POLE: variants seen among roughly 807,000 people sequenced by gnomAD.
POLE encodes the protein DNA polymerase epsilon, catalytic subunit, also known as DNA polymerase epsilon catalytic subunit A.
Under a neutral mutation model 279.2 loss-of-function variants are expected in POLE, and 188 were observed. The ratio of observed to expected loss-of-function variants is 0.67; its 90% CI spans 0.60 to 0.76. The LOEUF is 0.76. Ranked by LOEUF, POLE falls within the 30% of genes least tolerant of loss-of-function variation. The pLI is 0.00. For missense variants in POLE, 2,703 were observed against 3,016.7 expected, an observed-to-expected ratio of 0.90 and a Z score of 2.44; for synonymous variants, 1,214 against 1,172.5, an observed-to-expected ratio of 1.04 and a Z score of -0.72.
Position 132,632,345 on chromosome 12 carries a change from A to G in POLE, c.6300T>C (p.Pro2100=). ...LPGSHLLLNN[P]ALEFIKYVCK... ...ACACGTATTTGATGAACTCCAGGGC[A>G]GGGTTATTGAGCAGCAAGTGGGAAC... The change falls in exon 45 of 49, where the codon CCT becomes CCC. Residue 2100 remains proline, a synonymous_variant. Coordinates refer to ENST00000320574, the MANE Select transcript of POLE (RefSeq NM_006231.4). The G allele has an allele frequency of 6.2e-7, 1 of 1,614,168 alleles. No individual in the cohort carries two copies. Among genetic ancestry groups the G allele is most frequent in the Non-Finnish European group, 8.5e-7 (1 of 1,180,002 alleles).
At chr12:132,641,015 T>C (rs1172967982) in intron 39 of POLE, 4 of 456,728 alleles carry the variant, frequency 8.8e-6, no homozygotes, top group Middle Eastern at 3.3e-4. Context: ...TTTGAGCACC[T>C]ACCCTTCCAT....
chr12:132,632,879 A>T, intron 43 of POLE, 84 bp from the exon 44 acceptor site: 1 of 1,443,938 alleles, frequency 6.9e-7, no homozygotes, highest in Non-Finnish European at 9.3e-7. Flanking sequence ...GGCTGGTCAG[A>T]TTGCCTCACA....
intron 45 of POLE, 98 bp from the exon 46 acceptor site, chr12:132,626,415 GGT>G (rs2041841261): frequency 8.5e-7 from 1 of 1,170,924 alleles, no homozygotes; most frequent in African/African-American, 1.5e-5. Flanking sequence ...ACAGTTTCCT[GGT>G]GTCCTTTCCT....
chr12:132,627,406 C>A (rs1366870310), intron 45 of POLE, among the ~76,000 whole-genome samples: 1 of 152,150 alleles, frequency 6.6e-6, no homozygotes, highest in African/African-American at 2.4e-5. Flanking sequence ...CTCAATTGAT[C>A]CTTCTACCTC....
intron 32 of POLE, among the ~76,000 whole-genome samples, chr12:132,647,570 A>G (rs1488860362): frequency 6.6e-6 from 1 of 152,160 alleles, no homozygotes; most frequent in East Asian, 1.9e-4. Flanking sequence ...ACAGAGGAAC[A>G]GAATCTGAAG....
chr12:132,650,890 T>A (rs1440264647), intron 29 of POLE: 1 of 143,838 alleles, frequency 7.0e-6, no homozygotes, highest in African/African-American at 2.8e-5. Context: ...TTTTTTTTTT[T>A]TTTGAGACAG....
At chr12:132,647,837 CTT>C (rs761901554) in intron 32 of POLE, among the ~76,000 whole-genome samples, 4 of 152,176 alleles carry the variant, frequency 2.6e-5, no homozygotes, top group African/African-American at 9.7e-5. Flanking sequence ...CCGCTTTCCT[CTT>C]GTTATCCGCC....
At chr12:132,682,509 G>A (rs958930327) in intron 1 of POLE, among the ~76,000 whole-genome samples, 4 of 151,640 alleles carry the variant, frequency 2.6e-5, no homozygotes, top group African/African-American at 9.7e-5. Context: ...AATAAAATAA[G>A]ATAAAATAAA....
At position 132,673,625 on chromosome 12, in the gene POLE, C is replaced by T. The variant is rs115047349; in HGVS notation, c.1309G>A (p.Val437Met). 24 of 1,613,754 alleles carry T rather than the reference C, an allele frequency of 1.5e-5. No individual in the cohort carries two copies. The East Asian group carries it at 1.8e-4, about 12-fold the overall frequency. ...AAKAKLGYDP[V>M]ELDPEDMCRM... ...CACATGTCCTCCGGGTCTAGCTCCA[C>T]GGGATCATAGCCTAGCTTGGCCTTG... The change falls in exon 13 of 49, where the codon GTG becomes ATG. Residue 437 changes from valine (V) to methionine (M), a missense_variant. Coordinates refer to ENST00000320574, the MANE Select transcript of POLE (RefSeq NM_006231.4).
intron 12 of POLE, among the ~76,000 whole-genome samples, chr12:132,674,560 G>A (rs1005293035): frequency 6.6e-6 from 1 of 151,988 alleles, no homozygotes; most frequent in African/African-American, 2.4e-5. Flanking sequence ...AAAACCCCAG[G>A]TGCCAACCCC....
chr12:132,665,089 C>T (rs1051267042), intron 21 of POLE, among the ~76,000 whole-genome samples: 8 of 152,110 alleles, frequency 5.3e-5, no homozygotes, highest in African/African-American at 1.9e-4. Flanking sequence ...CCCCACAGCA[C>T]GCATCACTCA....
At position 132,624,460 on chromosome 12, in the gene POLE, G is replaced by GT; in HGVS notation, c.*236_*237insA. 3.4e-6 allele frequency: 2 copies of GT among 581,348 alleles called. No individual in the cohort carries two copies. The highest frequency in any genetic ancestry group is 6.1e-6 in the Non-Finnish European group (2 of 325,314). The allele number at this position is 581,348 out of a possible 1,614,324, so 36.0% of individuals were successfully genotyped here. A position where few individuals can be genotyped will look rare whatever the true frequency, so the allele number is the denominator to read the frequency against. On this transcript the variant is annotated 3_prime_UTR_variant, in exon 49 of 49. Transcript: ENST00000320574. ...CCAGGGCACTCGCAGCCTCGCTCAC[G>GT]GCCTGCTTCTTCAGGTGCTCTGGCG...
chr12:132,671,430 G>C (rs1047514179), intron 16 of POLE, among the ~76,000 whole-genome samples: 1 of 151,248 alleles, frequency 6.6e-6, no homozygotes, highest in African/African-American at 2.5e-5. Flanking sequence ...CAGCACTTTG[G>C]GAGGCCAAGG....
rs770382974 is a variant in POLE at position 132,642,631 on chromosome 12, C to T, written c.4827G>A (p.Val1609=). 47 of 1,613,406 alleles carry T rather than the reference C, an allele frequency of 2.9e-5. No individual in the cohort carries two copies. Among genetic ancestry groups the T allele is most frequent in the Non-Finnish European group, 4.0e-5 (47 of 1,180,038 alleles). ...EIPVLEEFPL[V]PICVADKINY... Reference sequence around the variant, plus strand: ...TGATCTTGTCAGCCACACAGATAGGCACCAGTGGGAATTCCTCCAAGACAG... The same window carrying T: ...TGATCTTGTCAGCCACACAGATAGGTACCAGTGGGAATTCCTCCAAGACAG... The change falls in exon 37 of 49, where the codon GTG becomes GTA. Residue 1609 remains valine, a synonymous_variant. Transcript: ENST00000320574.
At position 132,649,856 on chromosome 12, in the gene POLE, T is replaced by G. The variant is rs2138615288; in HGVS notation, c.3616A>C (p.Arg1206=). 1 of 1,614,056 alleles carries G rather than the reference T, an allele frequency of 6.2e-7. No homozygotes were observed. Residue 1206 remains arginine (R), a synonymous_variant, in exon 30 of 49, where the codon AGG becomes CGG. Transcript: ENST00000320574. ...TMAEASEDSP[R]PSAPDMEDFG... is the part of the protein sequence containing the mutation. ...TCCTCCATGTCAGGAGCACTTGGCC[T>G]CGGACTGTCTTCTGAGGCCTCGGCC...
chr12:132,642,001 G>C (rs1022919774), intron 38 of POLE, 150 bp from the exon 39 acceptor site: 31 of 928,648 alleles, frequency 3.3e-5, no homozygotes, highest in Non-Finnish European at 4.6e-5. Flanking sequence ...TCAGATTCCC[G>C]AGGGCACAGG....
intron 29 of POLE, 57 bp downstream of exon 29, chr12:132,657,079 G>A (rs908391837): frequency 2.8e-5 from 44 of 1,584,014 alleles, no homozygotes; most frequent in East Asian, 9.0e-5. Flanking sequence ...CAAGAAGCCT[G>A]GAGTCCTGTG....
rs367913984 is a variant in POLE at position 132,657,286 on chromosome 12, G to C, written c.3460-28C>G. 62 of 1,614,104 alleles carry C rather than the reference G, an allele frequency of 3.8e-5. No homozygotes were observed. The African/African-American group carries it at 7.7e-4, about 20-fold the overall frequency. On this transcript the variant is annotated intron_variant, in intron 28 of 48. Coordinates refer to ENST00000320574, the MANE Select transcript of POLE (RefSeq NM_006231.4). ...GTGTGAGGCCAACACCCATCAGAGA[G>C]AGACCCTTGTCTAACTGCACAGTTT...
rs2138539910 is a variant in POLE, at chr12:132,642,872, G to C, written c.4676C>G (p.Thr1559Ser). The C allele has an allele frequency of 1.2e-6, 2 of 1,613,994 alleles. No individual in the cohort carries two copies. The highest frequency in any genetic ancestry group is 1.7e-6 in the Non-Finnish European group (2 of 1,179,976). ...GGCTCTGCAGATGGTCTTCAGGTCA[G>C]TTTCTGCCCGAACTTCGAAGGTGTG... ...PKHTFEVRAE[T>S]DLKTICRAIQ... Residue 1559 changes from threonine to serine, a missense_variant, in exon 36 of 49, where the codon ACT (threonine) becomes AGT (serine). Physicochemically the swap from Thr to Ser is moderately conservative, Grantham distance 58. Transcript: ENST00000320574.
Sources: gnomAD v4.1 joint callset for allele counts (sites outside exome capture counted in the v4.1 genomes callset) on GRCh38, gnomAD v4.1.1 for gene constraint, MANE v1.5 for transcripts, NCBI Gene and HGNC (gene_info 2026-07-23, HGNC 2026-07-21) for gene names.